PAICS: variants seen among roughly 807,000 people sequenced by gnomAD.
The protein encoded by PAICS is bifunctional phosphoribosylaminoimidazole carboxylase/phosphoribosylaminoimidazole succinocarboxamide synthetase.
Under a neutral mutation model 53.7 loss-of-function variants are expected in PAICS, and 33 were observed. The observed-to-expected ratio is 0.61, with a 90% CI of 0.47 to 0.82. PAICS has a LOEUF of 0.82. PAICS is among the 40% of genes least tolerant of loss of function. The probability of loss-of-function intolerance (pLI) is 0.00; values close to 1 mark genes in which losing one functional copy is unlikely to be tolerated. For synonymous variants in PAICS, 141 were observed against 167.2 expected, an observed-to-expected ratio of 0.84 and a Z score of 1.21; for missense variants, 394 against 494.1, an observed-to-expected ratio of 0.80 and a Z score of 1.92.
At chr4:56,429,271 G>A in the PAICS span, among the ~76,000 whole-genome samples, 6 of 152,106 alleles carry the variant, frequency 3.9e-5, no homozygotes, top group Non-Finnish European at 7.4e-5. Context: ...AAACTTGCCC[G>A]GAGTTAGGTA....
the PAICS span, chr4:56,419,526 A>G: frequency 3.5e-6 from 1 of 289,452 alleles, no homozygotes; most frequent in Non-Finnish European, 5.2e-6. Flanking sequence ...TATGGAGGAA[A>G]CTGCTTTCTT....
At chr4:56,429,892 T>C in the PAICS span, among the ~76,000 whole-genome samples, 19 of 152,236 alleles carry the variant, frequency 1.2e-4, no homozygotes, top group Non-Finnish European at 2.4e-4. Context: ...ACATTGTTTA[T>C]GAGATTCACC....
chr4:56,448,850 C>A (rs1560661521), intron 5 of PAICS, 27 bp downstream of exon 5: 4 of 1,209,534 alleles, frequency 3.3e-6, no homozygotes, highest in South Asian at 1.3e-5. Flanking sequence ...GTTTTTTTAT[C>A]CTTTTTGAGA....
chr4:56,441,177 G>A (rs1718318193), intron 1 of PAICS, among the ~76,000 whole-genome samples: 1 of 152,098 alleles, frequency 6.6e-6, no homozygotes, highest in Non-Finnish European at 1.5e-5. Flanking sequence ...CTACAAAAAA[G>A]CAAATATCAG....
chr4:56,456,411 T>G (rs1719207924), intron 8 of PAICS, among the ~76,000 whole-genome samples: 1 of 151,976 alleles, frequency 6.6e-6, no homozygotes, highest in Admixed American at 6.6e-5. Context: ...GATACAGGTG[T>G]TTTTTGTTTG....
chr4:56,437,819 CAAAA>C (rs869109998), intron 1 of PAICS, among the ~76,000 whole-genome samples: 2 of 21,592 alleles, frequency 9.3e-5, no homozygotes, highest in African/African-American at 1.7e-4. Context: ...GACTCTGTCT[CAAAA>C]AAAAAAAAAA....
chr4:56,450,898 A>T, intron 6 of PAICS, 196 bp downstream of exon 6: 1 of 456,646 alleles, frequency 2.2e-6, no homozygotes, highest in Non-Finnish European at 3.9e-6. Flanking sequence ...GCTCACTGCA[A>T]GCTCCGCCTC....
At chr4:56,411,589 G>A in the PAICS span, among the ~76,000 whole-genome samples, 2 of 152,148 alleles carry the variant, frequency 1.3e-5, no homozygotes, top group Admixed American at 6.5e-5. Flanking sequence ...GGCAAAGGGA[G>A]GGAAATCAAT....
chr4:56,413,963 A>G, the PAICS span, among the ~76,000 whole-genome samples: 1 of 152,340 alleles, frequency 6.6e-6, no homozygotes, highest in African/African-American at 2.4e-5. Context: ...GCCTATAATG[A>G]TATACAAATT....
At chr4:56,428,933 A>T in the PAICS span, 1 of 922,260 alleles carries the variant, frequency 1.1e-6, no homozygotes, top group Non-Finnish European at 1.3e-6. Flanking sequence ...CTGTGTTTTT[A>T]TTTAAGAATT....
the PAICS span, among the ~76,000 whole-genome samples, chr4:56,427,851 A>C: frequency 6.6e-6 from 1 of 152,122 alleles, no homozygotes; most frequent in African/African-American, 2.4e-5. Flanking sequence ...TTGATATATG[A>C]AGTCTAACAG....
the PAICS span, among the ~76,000 whole-genome samples, chr4:56,426,043 G>A: frequency 8.0e-4 from 122 of 152,214 alleles, 2 homozygotes; most frequent in East Asian, 0.022. Flanking sequence ...GTGGTTTTTA[G>A]TATATCCACA....
Position 56,461,179 on chromosome 4 carries a change from A to C in PAICS, c.*1641A>C, listed in dbSNP as rs1719498061. 1 of 152,134 alleles carries C rather than the reference A, an allele frequency of 6.6e-6. No individual in the cohort carries two copies. Among genetic ancestry groups the C allele is most frequent in the Admixed American group, 6.6e-5 (1 of 15,264 alleles). 9.4% of individuals were successfully genotyped at this position (152,134 alleles called of 1,614,324 possible). A position where few individuals can be genotyped will look rare whatever the true frequency, so the allele number is the denominator to read the frequency against. On this transcript the variant is annotated 3_prime_UTR_variant, in exon 9 of 9. Transcript: ENST00000512576. ...ACTACAAGTAGTTCTTTCTCTATTG[A>C]ATTATTAGGTCCAGAATAGAAGATG...
intron 8 of PAICS, among the ~76,000 whole-genome samples, chr4:56,457,465 A>G (rs934409771): frequency 6.6e-6 from 1 of 152,030 alleles, no homozygotes; most frequent in Non-Finnish European, 1.5e-5. Flanking sequence ...AGAGGCAGTT[A>G]CTCAGGTAGA....
At chr4:56,429,016 G>C in the PAICS span, 3 of 947,826 alleles carry the variant, frequency 3.2e-6, no homozygotes, top group Admixed American at 1.2e-4. Context: ...GTAAGAGCCA[G>C]AGAAATAACA....
At chr4:56,416,872 T>C in the PAICS span, among the ~76,000 whole-genome samples, 1 of 152,184 alleles carries the variant, frequency 6.6e-6, no homozygotes, top group Non-Finnish European at 1.5e-5. Flanking sequence ...TCTTTTCTTT[T>C]CTAGTCTCAC....
chr4:56,441,567 T>TTTA (rs1560657957), intron 1 of PAICS, 96 bp from the exon 2 acceptor site: 1 of 481,214 alleles, frequency 2.1e-6, no homozygotes, highest in Non-Finnish European at 3.7e-6. Flanking sequence ...TATTACTTAA[T>TTTA]CACTGTATAT....
At chr4:56,451,622 A>G (rs1718919889) in intron 6 of PAICS, among the ~76,000 whole-genome samples, 1 of 152,214 alleles carries the variant, frequency 6.6e-6, no homozygotes, top group Non-Finnish European at 1.5e-5. Context: ...GATTTTGAGT[A>G]TCTTTACTGT....
At chr4:56,446,961 C>G in intron 3 of PAICS, 88 bp downstream of exon 3, 1 of 831,814 alleles carries the variant, frequency 1.2e-6, no homozygotes. Context: ...AATATTCAAG[C>G]AAAGTTTTTG....
Sources: allele counts gnomAD v4.1 joint callset (sites outside exome capture counted in the v4.1 genomes callset), GRCh38; gene constraint gnomAD v4.1.1; transcripts MANE v1.5; gene names NCBI Gene and HGNC (gene_info 2026-07-23, HGNC 2026-07-21).